The following DLG2 variants were observed in gnomAD, a reference collection of about 807,000 sequenced individuals.
DLG2 encodes the protein discs large MAGUK scaffold protein 2.
Under a neutral mutation model 132.5 loss-of-function variants are expected in DLG2, and 45 were observed. That is an observed-to-expected ratio of 0.34 (90% CI 0.27 to 0.44). DLG2 has a LOEUF of 0.44. DLG2 is among the 20% of genes least tolerant of loss of function. DLG2 has a pLI of 1.00. For missense variants in DLG2, 1,045 were observed against 1,196.9 expected (o/e 0.87, Z 1.87); for synonymous variants, 424 against 419.6 (o/e 1.01, Z -0.13).
chr11:85,363,579 G>T (rs1376637667), intron 3 of DLG2, among the ~76,000 whole-genome samples: 3 of 152,186 alleles, frequency 2.0e-5, no homozygotes, highest in African/African-American at 4.8e-5. Context: ...TGCCTAACAT[G>T]TTGTAGGAGC....
intron 6 of DLG2, among the ~76,000 whole-genome samples, chr11:84,589,196 G>A (rs2099537029): frequency 1.3e-5 from 2 of 152,156 alleles, no homozygotes; most frequent in African/African-American, 4.8e-5. Context: ...GGAGGCTGCA[G>A]GAGCTTGAGA....
chr11:83,972,597 A>G (rs12804532), intron 12 of DLG2, among the ~76,000 whole-genome samples: 6,623 of 152,242 alleles, frequency 0.044, 200 homozygotes, highest in Non-Finnish European at 0.067. Context: ...TAGCTGATGC[A>G]ATATAAATAG....
chr11:84,584,835 C>T (rs1416431950), intron 6 of DLG2, among the ~76,000 whole-genome samples: 3 of 151,098 alleles, frequency 2.0e-5, no homozygotes, highest in Admixed American at 6.6e-5. Context: ...ACTACAGGCG[C>T]CCGCCACTAC....
intron 10 of DLG2, among the ~76,000 whole-genome samples, chr11:84,068,252 G>T (rs963633740): frequency 1.3e-5 from 2 of 152,174 alleles, no homozygotes; most frequent in African/African-American, 2.4e-5. Context: ...TCTTCCCAGC[G>T]CTTAATTGTC....
intron 6 of DLG2, among the ~76,000 whole-genome samples, chr11:84,574,772 C>A (rs556593393): frequency 6.6e-6 from 1 of 152,286 alleles, no homozygotes; most frequent in South Asian, 2.1e-4. Flanking sequence ...ACCATTCTTT[C>A]TTAAAAGGTG....
intron 6 of DLG2, among the ~76,000 whole-genome samples, chr11:85,077,955 G>A (rs963814974): frequency 1.3e-5 from 2 of 151,186 alleles, no homozygotes; most frequent in African/African-American, 4.9e-5. Context: ...AGCTGTAAAT[G>A]CTAACTAACA....
At chr11:84,145,690 G>T (rs895755597) in intron 9 of DLG2, among the ~76,000 whole-genome samples, 1 of 152,122 alleles carries the variant, frequency 6.6e-6, no homozygotes, top group Non-Finnish European at 1.5e-5. Context: ...TTGGACTAAT[G>T]AACTGGAAGA....
intron 6 of DLG2, among the ~76,000 whole-genome samples, chr11:84,878,537 C>T (rs2086778891): frequency 1.3e-5 from 2 of 152,002 alleles, no homozygotes; most frequent in South Asian, 4.2e-4. Flanking sequence ...AGGGGGACAT[C>T]ACACACTGGG....
chr11:83,686,954 C>T (rs923091456), intron 18 of DLG2, among the ~76,000 whole-genome samples: 4 of 152,122 alleles, frequency 2.6e-5, no homozygotes, highest in Non-Finnish European at 4.4e-5. Flanking sequence ...CACTGGAATA[C>T]GGTGGGCCAC....
At chr11:84,025,824 A>T (rs2095521759) in intron 11 of DLG2, among the ~76,000 whole-genome samples, 1 of 152,146 alleles carries the variant, frequency 6.6e-6, no homozygotes, top group Admixed American at 6.6e-5. Flanking sequence ...GCCAGCATTT[A>T]TGAGTCAAAC....
chr11:83,529,141 G>A (rs114718386), intron 21 of DLG2, among the ~76,000 whole-genome samples: 3,949 of 152,104 alleles, frequency 0.026, 177 homozygotes, highest in African/African-American at 0.088. Context: ...CTAATGATAA[G>A]GTTATTTAAA....
intron 6 of DLG2, among the ~76,000 whole-genome samples, chr11:84,681,840 C>A (rs971199751): frequency 2.7e-5 from 4 of 148,712 alleles, no homozygotes; most frequent in Non-Finnish European, 3.0e-5. Flanking sequence ...AAAAAAAAAA[C>A]AAACCCTCTT....
chr11:84,957,879 A>G (rs7949547), intron 6 of DLG2, among the ~76,000 whole-genome samples: 63,946 of 152,032 alleles, frequency 0.42, 14,674 homozygotes, highest in East Asian at 0.67. Context: ...TACCATATTC[A>G]TTGGTTTGGT....
chr11:84,731,620 T>A (rs992333971), intron 6 of DLG2, among the ~76,000 whole-genome samples: 1 of 150,390 alleles, frequency 6.6e-6, no homozygotes, highest in African/African-American at 2.4e-5. Flanking sequence ...AGGACTGAGA[T>A]AAACGTAATA....
At chr11:84,359,059 C>G (rs2098634711) in intron 7 of DLG2, among the ~76,000 whole-genome samples, 1 of 151,842 alleles carries the variant, frequency 6.6e-6, no homozygotes, top group Non-Finnish European at 1.5e-5. Flanking sequence ...AGAATTAGAA[C>G]TTAAACCCAG....
chr11:85,380,131 T>C (rs2085753263), intron 3 of DLG2, among the ~76,000 whole-genome samples: 1 of 151,734 alleles, frequency 6.6e-6, no homozygotes, highest in Non-Finnish European at 1.5e-5. Flanking sequence ...GATGCATAAC[T>C]ACTGAACCTA....
At chr11:83,884,995 G>A (rs550677005) in intron 15 of DLG2, among the ~76,000 whole-genome samples, 2 of 152,192 alleles carry the variant, frequency 1.3e-5, no homozygotes, top group East Asian at 3.9e-4. Context: ...CAAAGATGGG[G>A]AAAAAACAGA....
chr11:84,351,477 A>G (rs900799276), intron 7 of DLG2, among the ~76,000 whole-genome samples: 3 of 152,224 alleles, frequency 2.0e-5, no homozygotes, highest in African/African-American at 7.2e-5. Context: ...CTCGGAACCT[A>G]ACTACCTTGG....
chr11:83,821,415 T>A, intron 17 of DLG2, among the ~76,000 whole-genome samples: 1 of 151,904 alleles, frequency 6.6e-6, no homozygotes, highest in East Asian at 1.9e-4. Context: ...AAACTTATTA[T>A]GGATTTTTTT....
Sources: gnomAD v4.1 joint callset for allele counts (sites outside exome capture counted in the v4.1 genomes callset) on GRCh38, gnomAD v4.1.1 for gene constraint, MANE v1.5 for transcripts, NCBI Gene and HGNC (gene_info 2026-07-23, HGNC 2026-07-21) for gene names.